The following XKR9 variants were observed in gnomAD, a reference collection of about 807,000 sequenced individuals.
The protein encoded by XKR9 is XK-related protein 9.
XKR9 carries 32 observed loss-of-function variants against 32.0 expected under a neutral mutation model. The observed-to-expected ratio is 1.00, with a 90% CI of 0.76 to 1.34. The LOEUF (loss-of-function observed/expected upper bound fraction) is 1.34. Ranked by LOEUF, XKR9 falls within the 40% of genes most tolerant of loss-of-function variation. The pLI is 0.00. For missense variants in XKR9, 546 were observed against 429.7 expected (o/e 1.27, Z -2.39); for synonymous variants, 168 against 143.4 (o/e 1.17, Z -1.22).
the XKR9 span, among the ~76,000 whole-genome samples, chr8:70,993,490 C>G: frequency 3.9e-5 from 6 of 152,124 alleles, no homozygotes; most frequent in African/African-American, 1.2e-4. Context: ...TAGCCAGAGT[C>G]ATATTTAGCT....
At chr8:70,984,286 C>T in the XKR9 span, among the ~76,000 whole-genome samples, 1 of 152,166 alleles carries the variant, frequency 6.6e-6, no homozygotes, top group Non-Finnish European at 1.5e-5. Flanking sequence ...CAAGGGGGGC[C>T]CAGGGGAATT....
the XKR9 span, among the ~76,000 whole-genome samples, chr8:70,934,926 A>G: frequency 6.6e-6 from 1 of 151,746 alleles, no homozygotes; most frequent in African/African-American, 2.4e-5. Context: ...TTTCTAAAGT[A>G]CTTTTCTAGG....
chr8:70,896,762 G>A, the XKR9 span, among the ~76,000 whole-genome samples: 1 of 151,596 alleles, frequency 6.6e-6, no homozygotes, highest in Non-Finnish European at 1.5e-5. Flanking sequence ...CATATAGTAG[G>A]TATATATATT....
intron 2 of XKR9, among the ~76,000 whole-genome samples, chr8:70,759,892 T>G (rs1331646114): frequency 6.6e-6 from 1 of 152,232 alleles, no homozygotes; most frequent in African/African-American, 2.4e-5. Flanking sequence ...TCAAAAACAC[T>G]CTATAAATGA....
the XKR9 span, among the ~76,000 whole-genome samples, chr8:70,807,415 A>T: frequency 6.6e-6 from 1 of 152,214 alleles, no homozygotes; most frequent in Non-Finnish European, 1.5e-5. Flanking sequence ...TCATAACAAT[A>T]CTAACATTAA....
At chr8:70,880,824 AGC>A in the XKR9 span, among the ~76,000 whole-genome samples, 1 of 152,214 alleles carries the variant, frequency 6.6e-6, no homozygotes, top group South Asian at 2.1e-4. Flanking sequence ...GACAATCCTA[AGC>A]AAAAAGAACA....
the XKR9 span, among the ~76,000 whole-genome samples, chr8:71,011,120 A>C: frequency 6.6e-6 from 1 of 152,152 alleles, no homozygotes. Context: ...GTTTGATCAA[A>C]ATGATCAAAG....
chr8:71,061,359 T>C, the XKR9 span, among the ~76,000 whole-genome samples: 1 of 152,144 alleles, frequency 6.6e-6, no homozygotes. Flanking sequence ...CTCTCATAAC[T>C]TACTCCAGAA....
chr8:70,677,136 TAAAA>T (rs996255436), intron 2 of XKR9, among the ~76,000 whole-genome samples: 1 of 144,482 alleles, frequency 6.9e-6, no homozygotes, highest in African/African-American at 2.5e-5. Flanking sequence ...TAAAAAAAAA[TAAAA>T]AAAATCTTTT....
the XKR9 span, among the ~76,000 whole-genome samples, chr8:71,000,062 C>T: frequency 1.3e-4 from 20 of 152,242 alleles, no homozygotes; most frequent in Admixed American, 1.2e-3. Flanking sequence ...ATTTTATGCA[C>T]AATTTATTCA....
At chr8:70,696,704 T>C in intron 3 of XKR9, among the ~76,000 whole-genome samples, 1 of 147,726 alleles carries the variant, frequency 6.8e-6, no homozygotes, top group Non-Finnish European at 1.5e-5. Flanking sequence ...AAGTAGTTTT[T>C]TCCAATTCTG....
At chr8:70,968,847 C>A in the XKR9 span, among the ~76,000 whole-genome samples, 442 of 152,290 alleles carry the variant, frequency 2.9e-3, 1 homozygote, top group African/African-American at 9.9e-3. Flanking sequence ...GGGGCACAGA[C>A]CTGATGCTTC....
At chr8:71,025,197 T>G in the XKR9 span, among the ~76,000 whole-genome samples, 1 of 152,172 alleles carries the variant, frequency 6.6e-6, no homozygotes. Context: ...TATTAACCAC[T>G]GCACTCAACA....
At chr8:70,956,109 G>T in the XKR9 span, among the ~76,000 whole-genome samples, 1 of 152,154 alleles carries the variant, frequency 6.6e-6, no homozygotes, top group Admixed American at 6.5e-5. Flanking sequence ...GGGGGTGGGG[G>T]AGCAAGTGTC....
the XKR9 span, among the ~76,000 whole-genome samples, chr8:70,862,160 A>C: frequency 1.3e-5 from 2 of 152,204 alleles, no homozygotes; most frequent in African/African-American, 4.8e-5. Context: ...ATGTAGAAAG[A>C]GCCCTGGAGA....
chr8:70,800,866 A>G, the XKR9 span, among the ~76,000 whole-genome samples: 6 of 151,616 alleles, frequency 4.0e-5, no homozygotes, highest in East Asian at 1.9e-4. Flanking sequence ...CAGGGATTCA[A>G]TTTCTTCCTG....
intron 3 of XKR9, among the ~76,000 whole-genome samples, chr8:70,700,285 G>A (rs1174226942): frequency 1.3e-5 from 2 of 152,046 alleles, no homozygotes; most frequent in East Asian, 3.9e-4. Context: ...CAGTTTTTCT[G>A]CTCTGTTTTT....
chr8:70,761,272 T>G (rs1353695949), intron 2 of XKR9, among the ~76,000 whole-genome samples: 1 of 152,196 alleles, frequency 6.6e-6, no homozygotes, highest in Admixed American at 6.5e-5. Context: ...TCTCTAGGTG[T>G]TTGAGGAATC....
intron 4 of XKR9, 66 bp downstream of exon 4, chr8:70,707,219 CTT>C: frequency 8.0e-7 from 1 of 1,256,746 alleles, no homozygotes; most frequent in Non-Finnish European, 1.1e-6. Context: ...CTATATAAAT[CTT>C]TGGCTGACTT....
Sources: allele counts gnomAD v4.1 joint callset (sites outside exome capture counted in the v4.1 genomes callset), GRCh38; gene constraint gnomAD v4.1.1; transcripts MANE v1.5; gene names NCBI Gene and HGNC (gene_info 2026-07-23, HGNC 2026-07-21).